ANKRD20A1: variants seen among roughly 807,000 people sequenced by gnomAD.
ANKRD20A1 encodes ankyrin repeat domain-containing protein 20A1.
ANKRD20A1 carries 2 observed loss-of-function variants against 50.9 expected under a neutral mutation model. The ratio of observed to expected loss-of-function variants is 0.04; its 90% CI spans 0.02 to 0.12. ANKRD20A1 has a LOEUF of 0.12. ANKRD20A1 is among the 10% of genes least tolerant of loss of function. ANKRD20A1 has a pLI of 1.00. For missense variants in ANKRD20A1, 31 were observed against 548.1 expected (o/e 0.06, Z 9.42); for synonymous variants, 10 against 186.2 (o/e 0.05, Z 7.70).
chr9:67,859,172 A>G lies in ANKRD20A1; in HGVS notation c.-255A>G. The G allele has an allele frequency of 2.0e-5, 4 of 202,530 alleles. 2 individuals carry two copies. Among genetic ancestry groups the G allele is most frequent in the Non-Finnish European group, 2.8e-5 (4 of 143,118 alleles). The allele number at this position is 202,530 out of a possible 1,614,324, so 12.5% of individuals were successfully genotyped here. ...CAGGCGCGCGCCCAACGGCTTTGCG[A>G]GGCTCACTCGGTCTGAGAGGTCGGA... On this transcript the variant is annotated 5_prime_UTR_variant, in exon 1 of 15. Coordinates refer to ENST00000562196, the MANE Select transcript of ANKRD20A1 (RefSeq NM_032250.5).
At chr9:67,883,151 C>T (rs1827826818) in intron 8 of ANKRD20A1, among the ~76,000 whole-genome samples, 1 of 151,478 alleles carries the variant, frequency 6.6e-6, no homozygotes, top group African/African-American at 2.4e-5. Context: ...GGTATATACC[C>T]AGTAATGGGA....
At chr9:67,898,522 G>C (rs1241767667) in intron 13 of ANKRD20A1, among the ~76,000 whole-genome samples, 2 of 98,440 alleles carry the variant, frequency 2.0e-5, no homozygotes, top group African/African-American at 3.1e-5. Context: ...ATGAACAATA[G>C]GTTAATGAAT....
intron 9 of ANKRD20A1, among the ~76,000 whole-genome samples, chr9:67,885,460 G>T (rs1266734364): frequency 6.6e-6 from 1 of 152,310 alleles, no homozygotes; most frequent in Non-Finnish European, 1.5e-5. Context: ...GCCATGTATG[G>T]CTATAATTTG....
At chr9:67,882,495 A>G (rs1390611338) in intron 8 of ANKRD20A1, among the ~76,000 whole-genome samples, 2 of 149,182 alleles carry the variant, frequency 1.3e-5, no homozygotes, top group Non-Finnish European at 3.0e-5. Context: ...GAAATAGGTC[A>G]TCAGTAGCAA....
chr9:67,880,780 A>C (rs1827781572), intron 8 of ANKRD20A1, among the ~76,000 whole-genome samples: 1 of 25,694 alleles, frequency 3.9e-5, no homozygotes, highest in African/African-American at 1.0e-4. Flanking sequence ...ATGAACTGGA[A>C]AATTAGTAGT....
At chr9:67,865,908 C>T (rs1827559272) in intron 3 of ANKRD20A1, among the ~76,000 whole-genome samples, 3 of 149,854 alleles carry the variant, frequency 2.0e-5, no homozygotes, top group Admixed American at 1.4e-4. Flanking sequence ...ATATAAATCC[C>T]TCAGTTATGG....
At chr9:67,881,048 CAT>C (rs1308295700) in intron 8 of ANKRD20A1, among the ~76,000 whole-genome samples, 1 of 145,910 alleles carries the variant, frequency 6.9e-6, no homozygotes, top group African/African-American at 2.5e-5. Context: ...ATTTTGGTAT[CAT>C]ATTGTTTTTA....
At chr9:67,882,643 T>C (rs1226195211) in intron 8 of ANKRD20A1, among the ~76,000 whole-genome samples, 4 of 143,498 alleles carry the variant, frequency 2.8e-5, no homozygotes, top group South Asian at 4.7e-4. Context: ...ACATTACTCT[T>C]TATTATTCTT....
chr9:67,885,401 A>G (rs1827864214), intron 9 of ANKRD20A1, among the ~76,000 whole-genome samples: 2 of 152,302 alleles, frequency 1.3e-5, no homozygotes, highest in Admixed American at 6.5e-5. Flanking sequence ...ACCTCACCAC[A>G]CAGACCTGTG....
chr9:67,867,915 C>T (rs1827601942), intron 4 of ANKRD20A1, among the ~76,000 whole-genome samples: 1 of 123,288 alleles, frequency 8.1e-6, no homozygotes, highest in South Asian at 2.6e-4. Context: ...CCTTGGCTTC[C>T]CAAAGTGCTG....
At chr9:67,873,054 TTTTG>T (rs1454183504) in intron 6 of ANKRD20A1, among the ~76,000 whole-genome samples, 12 of 112,596 alleles carry the variant, frequency 1.1e-4, no homozygotes, top group African/African-American at 2.9e-4. Context: ...TTTAAGGGAT[TTTTG>T]TTTGTTTGTT....
In ANKRD20A1 at chr9:67,860,282, A is replaced by G. The variant is rs1401114087; in HGVS notation, c.203+653A>G. Among the ~76,000 whole-genome samples, 27 of 46,638 alleles carry G rather than the reference A, an allele frequency of 5.8e-4. 11 individuals carry two copies. Among genetic ancestry groups the G allele is most frequent in the African/African-American group, 2.7e-3 (22 of 8,100 alleles). The allele number at this position is 46,638 out of a possible 152,430, so 30.6% of individuals were successfully genotyped here. A position where few individuals can be genotyped will look rare whatever the true frequency, so the allele number is the denominator to read the frequency against. ...GGCTGGTCTCGAACTCCTGACCTCA[A>G]GTCATCTGCCCGCCTCCACCTCCCA... On this transcript the variant is annotated intron_variant, in intron 1 of 14. Transcript: ENST00000562196.
chr9:67,885,335 C>A (rs1396685869), intron 9 of ANKRD20A1, among the ~76,000 whole-genome samples: 2 of 152,292 alleles, frequency 1.3e-5, no homozygotes, highest in African/African-American at 4.8e-5. Flanking sequence ...ATTACAGTAA[C>A]ATTTTCCTTC....
Position 67,863,594 on chromosome 9 carries a change from T to G in ANKRD20A1, c.492+203T>G. 6 of 129,852 alleles carry G rather than the reference T, an allele frequency of 4.6e-5. 1 individual carries two copies. Among genetic ancestry groups the G allele is most frequent in the Middle Eastern group, 4.9e-3 (2 of 408 alleles). The allele number at this position is 129,852 out of a possible 1,614,324, so 8.0% of individuals were successfully genotyped here. On this transcript the variant is annotated intron_variant, in intron 3 of 14. Transcript: ENST00000562196. Reference sequence around the variant, plus strand: ...AGGGCACAGCTTTATAAAATGCACTTTGGAAAATATTTGTGAATTTGTTAA... The same window carrying G: ...AGGGCACAGCTTTATAAAATGCACTGTGGAAAATATTTGTGAATTTGTTAA...
In ANKRD20A1 at chr9:67,860,089, G is replaced by A. The variant is rs1294173395; in HGVS notation, c.203+460G>A. Among the ~76,000 whole-genome samples, 2 of 32,510 alleles carry A rather than the reference G, an allele frequency of 6.2e-5. 1 individual carries two copies. Among genetic ancestry groups the A allele is most frequent in the Non-Finnish European group, 1.1e-4 (2 of 18,070 alleles). The allele number at this position is 32,510 out of a possible 152,430, so 21.3% of individuals were successfully genotyped here. A position where few individuals can be genotyped will look rare whatever the true frequency, so the allele number is the denominator to read the frequency against. On this transcript the variant is annotated intron_variant, in intron 1 of 14. Transcript: ENST00000562196. ...TTTTTTTTTTTTGAGTCAGAGTCTC[G>A]CTTCTTTGCCCAGGCTGGTGTCCAA...
intron 8 of ANKRD20A1, among the ~76,000 whole-genome samples, chr9:67,882,086 C>T (rs1178548011): frequency 6.9e-6 from 1 of 145,150 alleles, no homozygotes; most frequent in African/African-American, 2.5e-5. Context: ...CTCAGGTGAT[C>T]CTCACACCTC....
chr9:67,897,042 C>CAAA (rs1175792757), intron 12 of ANKRD20A1, among the ~76,000 whole-genome samples: 1 of 44,062 alleles, frequency 2.3e-5, no homozygotes, highest in Non-Finnish European at 4.5e-5. Flanking sequence ...TCACAGGATT[C>CAAA]AAAAAAAAAA....
chr9:67,872,420 C>A (rs1827663773), intron 6 of ANKRD20A1, among the ~76,000 whole-genome samples: 1 of 123,990 alleles, frequency 8.1e-6, no homozygotes, highest in African/African-American at 2.9e-5. Flanking sequence ...TTCTTAATGA[C>A]CAAATCCAAC....
At chr9:67,886,804 CTG>C (rs1304663274) in intron 9 of ANKRD20A1, among the ~76,000 whole-genome samples, 1 of 112,460 alleles carries the variant, frequency 8.9e-6, no homozygotes, top group Non-Finnish European at 2.0e-5. Flanking sequence ...GTCATCCCAA[CTG>C]TGTATTTCCT....
Sources: allele counts gnomAD v4.1 joint callset (sites outside exome capture counted in the v4.1 genomes callset), GRCh38; gene constraint gnomAD v4.1.1; transcripts MANE v1.5; gene names NCBI Gene and HGNC (gene_info 2026-07-23, HGNC 2026-07-21).